The following PUS10 variants were observed in gnomAD, a reference collection of about 807,000 sequenced individuals.
PUS10 encodes pseudouridine synthase 10.
Under a neutral mutation model 75.0 loss-of-function variants are expected in PUS10, and 59 were observed. The observed-to-expected ratio is 0.79, with a 90% CI of 0.64 to 0.98. The LOEUF (loss-of-function observed/expected upper bound fraction) is 0.98. PUS10 is among the 50% of genes least tolerant of loss of function. The pLI, the probability that PUS10 is intolerant of heterozygous loss-of-function variation, is 0.00. For missense variants in PUS10, 650 were observed against 614.4 expected, an observed-to-expected ratio of 1.06 and a Z score of -0.61; for synonymous variants, 219 against 211.6, an observed-to-expected ratio of 1.03 and a Z score of -0.30.
intron 1 of PUS10, chr2:61,017,737 G>C (rs1241117454): frequency 7.1e-6 from 11 of 1,544,072 alleles, no homozygotes; most frequent in Non-Finnish European, 9.6e-6. Context: ...GGTAGGAGCG[G>C]GAGCCGAGAG....
chr2:60,977,400 T>C (rs1179629150), intron 4 of PUS10, among the ~76,000 whole-genome samples: 1 of 152,162 alleles, frequency 6.6e-6, no homozygotes, highest in Non-Finnish European at 1.5e-5. Context: ...TCAGAAGGTT[T>C]TGATTGCCAA....
chr2:60,957,837 G>C (rs113164222), intron 11 of PUS10, among the ~76,000 whole-genome samples: 3,232 of 152,372 alleles, frequency 0.021, 44 homozygotes, highest in Non-Finnish European at 0.033. Context: ...GTCAGGAGTA[G>C]ACTGAGGCAG....
intron 17 of PUS10, among the ~76,000 whole-genome samples, chr2:60,944,494 T>C (rs1674817979): frequency 6.6e-6 from 1 of 152,218 alleles, no homozygotes; most frequent in Admixed American, 6.5e-5. Context: ...CACCTATTGA[T>C]ACTCAAATGA....
At chr2:60,962,539 A>C (rs1676091570) in intron 9 of PUS10, among the ~76,000 whole-genome samples, 1 of 152,166 alleles carries the variant, frequency 6.6e-6, no homozygotes, top group African/African-American at 2.4e-5. Flanking sequence ...GCTCCACTGC[A>C]CTCCAGCCTG....
At chr2:61,017,944 C>T (rs1680123302) in intron 1 of PUS10, 64 bp downstream of exon 1, 4 of 1,394,044 alleles carry the variant, frequency 2.9e-6, no homozygotes, top group Middle Eastern at 1.8e-4. Flanking sequence ...GAGGTATTCC[C>T]TTCCCCCCTT....
chr2:60,977,302 A>G (rs771334121), intron 4 of PUS10, among the ~76,000 whole-genome samples: 4 of 152,194 alleles, frequency 2.6e-5, no homozygotes, highest in Admixed American at 2.0e-4. Flanking sequence ...CAAAACTACA[A>G]TTCAGTAAAG....
At chr2:61,001,287 C>T (rs1678837595) in intron 4 of PUS10, among the ~76,000 whole-genome samples, 1 of 146,726 alleles carries the variant, frequency 6.8e-6, no homozygotes, top group Admixed American at 6.8e-5. Context: ...CATAAGCCAC[C>T]TCTTCTTTTT....
At chr2:60,961,688 G>A in intron 9 of PUS10, 140 bp from the exon 10 acceptor site, 2 of 715,554 alleles carry the variant, frequency 2.8e-6, no homozygotes, top group Non-Finnish European at 4.9e-6. Context: ...TACAGGTCTT[G>A]CAGGCCTGTG....
intron 11 of PUS10, among the ~76,000 whole-genome samples, chr2:60,958,550 C>A (rs934747875): frequency 3.9e-5 from 6 of 152,122 alleles, no homozygotes; most frequent in African/African-American, 1.4e-4. Context: ...ATCTTAAGGT[C>A]TTTCAGAGAG....
intron 7 of PUS10, 93 bp from the exon 8 acceptor site, chr2:60,965,196 C>G: frequency 7.7e-7 from 1 of 1,290,648 alleles, no homozygotes; most frequent in Non-Finnish European, 1.1e-6. Context: ...GGCTGCTAAA[C>G]TCAGGACATC....
chr2:61,016,075 T>C (rs982139400), intron 1 of PUS10, among the ~76,000 whole-genome samples: 26 of 152,240 alleles, frequency 1.7e-4, no homozygotes, highest in African/African-American at 6.3e-4. Flanking sequence ...ATTTATTTTA[T>C]TTTCCATGGC....
chr2:61,012,669 C>CA (rs770665779), intron 1 of PUS10, among the ~76,000 whole-genome samples: 10,822 of 117,724 alleles, frequency 0.092, 1,536 homozygotes, highest in African/African-American at 0.31. Flanking sequence ...ACTAAAAATA[C>CA]AAAAAAAAAA....
chr2:61,010,912 A>C (rs920616511), intron 2 of PUS10: 1 of 1,546,674 alleles, frequency 6.5e-7, no homozygotes, highest in African/African-American at 1.4e-5. Flanking sequence ...CAATCATAGT[A>C]TGTACTTACC....
chr2:60,974,000 C>T (rs1676864410), intron 4 of PUS10, among the ~76,000 whole-genome samples: 1 of 152,046 alleles, frequency 6.6e-6, no homozygotes, highest in African/African-American at 2.4e-5. Context: ...TTCCTCTCTG[C>T]TCAGAGCTGA....
chr2:61,000,743 T>A (rs1041640790), intron 4 of PUS10, among the ~76,000 whole-genome samples: 4 of 152,224 alleles, frequency 2.6e-5, no homozygotes, highest in Non-Finnish European at 5.9e-5. Flanking sequence ...AAATCTGCTA[T>A]TTTTAACCCA....
At chr2:60,982,897 A>G (rs1677492100) in intron 4 of PUS10, among the ~76,000 whole-genome samples, 1 of 151,836 alleles carries the variant, frequency 6.6e-6, no homozygotes, top group South Asian at 2.1e-4. Flanking sequence ...TGGCGCGATC[A>G]TGACTCACTG....
At chr2:61,006,981 C>T (rs1679253063) in intron 3 of PUS10, among the ~76,000 whole-genome samples, 1 of 152,032 alleles carries the variant, frequency 6.6e-6, no homozygotes. Flanking sequence ...AAAGGCAATC[C>T]CACATTCAAT....
rs1350842017 is a variant in PUS10, at chr2:60,942,102, C to T, written c.*293G>A. The T allele has an allele frequency of 3.3e-6, 1 of 305,594 alleles. No individual in the cohort carries two copies. Among genetic ancestry groups the T allele is most frequent in the African/African-American group, 2.2e-5 (1 of 46,088 alleles). 18.9% of individuals were successfully genotyped at this position (305,594 alleles called of 1,614,324 possible). A position where few individuals can be genotyped will look rare whatever the true frequency, so the allele number is the denominator to read the frequency against. ...ACAGAGAATGTGTCCTGTTTGTGCA[C>T]CTCTCTAAATGAAAGAATTAAGGAG... On this transcript the variant is annotated 3_prime_UTR_variant, in exon 18 of 18. Coordinates refer to ENST00000316752, the MANE Select transcript of PUS10 (RefSeq NM_144709.4).
intron 5 of PUS10, 120 bp from the exon 6 acceptor site, chr2:60,967,733 T>TTTA: frequency 1.6e-6 from 1 of 613,706 alleles, no homozygotes; most frequent in Non-Finnish European, 2.8e-6. Context: ...CCAGGCACTA[T>TTTA]TCTACACATT....
Sources: allele counts gnomAD v4.1 joint callset (sites outside exome capture counted in the v4.1 genomes callset), GRCh38; gene constraint gnomAD v4.1.1; transcripts MANE v1.5; gene names NCBI Gene and HGNC (gene_info 2026-07-23, HGNC 2026-07-21).